RIT2: variants seen among roughly 807,000 people sequenced by gnomAD.
The protein encoded by RIT2 is Ras like without CAAX 2.
RIT2 carries 24 observed loss-of-function variants against 23.7 expected under a neutral mutation model. The observed-to-expected ratio is 1.01, with a 90% confidence interval of 0.73 to 1.43. The LOEUF is 1.43. Among genes scored for constraint, RIT2 ranks in the 40% most tolerant of loss-of-function variants. RIT2 has a pLI of 0.00. For synonymous variants in RIT2, 107 were observed against 91.1 expected (o/e 1.17, Z -0.99); for missense variants, 236 against 266.9 (o/e 0.88, Z 0.81).
chr18:42,903,321 A>G (rs1908526769), intron 4 of RIT2, among the ~76,000 whole-genome samples: 2 of 152,104 alleles, frequency 1.3e-5, no homozygotes, highest in South Asian at 2.1e-4. Flanking sequence ...CCCAAAATAT[A>G]GAAGATATTT....
chr18:42,752,094 T>C (rs1472831809), intron 4 of RIT2, among the ~76,000 whole-genome samples: 3 of 152,064 alleles, frequency 2.0e-5, no homozygotes, highest in Non-Finnish European at 4.4e-5. Context: ...TATTAATTTT[T>C]ATAGATTTCT....
At chr18:43,000,804 G>A (rs1408288239) in intron 2 of RIT2, among the ~76,000 whole-genome samples, 1 of 151,950 alleles carries the variant, frequency 6.6e-6, no homozygotes, top group Admixed American at 6.6e-5. Context: ...ATGTGGAACT[G>A]TGAGTCAATT....
At chr18:42,940,065 T>C (rs1248215239) in intron 3 of RIT2, among the ~76,000 whole-genome samples, 1 of 151,634 alleles carries the variant, frequency 6.6e-6, no homozygotes, top group East Asian at 2.0e-4. Flanking sequence ...CAAAGCCGAA[T>C]AACAATAGTC....
At chr18:42,887,647 A>G (rs1004224427) in intron 4 of RIT2, among the ~76,000 whole-genome samples, 55 of 152,286 alleles carry the variant, frequency 3.6e-4, no homozygotes, top group African/African-American at 1.3e-3. Flanking sequence ...CAACCCAGCA[A>G]TCAAGCTTGT....
Position 43,031,293 on chromosome 18 carries a change from C to A in RIT2, c.160+2518G>T, listed in dbSNP as rs1911848800. ...TTTTGGACTGAGCTCCTGCCCTGGG[C>A]CTAACAGATGAGACCAAACCAAAAT... On this transcript the variant is annotated intron_variant, in intron 2 of 4. Transcript: ENST00000326695. Among the ~76,000 whole-genome samples, 7 of 151,280 alleles carry A rather than the reference C, an allele frequency of 4.6e-5. 1 individual carries two copies. The Admixed American group carries it at 4.6e-4, about 10-fold the overall frequency.
chr18:43,002,978 T>C (rs62092660), intron 2 of RIT2, among the ~76,000 whole-genome samples: 12,388 of 151,770 alleles, frequency 0.082, 622 homozygotes, highest in East Asian at 0.18. Context: ...AAATATGCTG[T>C]GTTGTTGGCA....
At chr18:42,881,181 C>G (rs1355941752) in intron 4 of RIT2, among the ~76,000 whole-genome samples, 1 of 152,164 alleles carries the variant, frequency 6.6e-6, no homozygotes, top group Non-Finnish European at 1.5e-5. Flanking sequence ...AATGGTAACA[C>G]AACCTACCCA....
intron 4 of RIT2, among the ~76,000 whole-genome samples, chr18:42,749,695 T>C (rs1365826903): frequency 6.6e-6 from 1 of 151,732 alleles, no homozygotes; most frequent in Non-Finnish European, 1.5e-5. Context: ...TTTGTCCCAA[T>C]ATATCAGAAA....
intron 3 of RIT2, among the ~76,000 whole-genome samples, chr18:42,967,400 C>T (rs181075014): frequency 1.6e-4 from 24 of 152,084 alleles, no homozygotes; most frequent in East Asian, 9.7e-4. Context: ...GACAGAGTCT[C>T]GCTCTGTTGC....
At chr18:42,784,028 C>T (rs1913871213) in intron 4 of RIT2, among the ~76,000 whole-genome samples, 1 of 152,004 alleles carries the variant, frequency 6.6e-6, no homozygotes, top group South Asian at 2.1e-4. Flanking sequence ...AAAGAATTAA[C>T]AATGGCAAAA....
At chr18:42,828,412 T>G (rs1386141032) in intron 4 of RIT2, among the ~76,000 whole-genome samples, 1 of 152,250 alleles carries the variant, frequency 6.6e-6, no homozygotes, top group East Asian at 1.9e-4. Flanking sequence ...CTAAATTGTT[T>G]AAATTACCTG....
At chr18:42,990,955 A>T (rs1333631812) in intron 2 of RIT2, among the ~76,000 whole-genome samples, 1 of 148,244 alleles carries the variant, frequency 6.7e-6, no homozygotes, top group Non-Finnish European at 1.5e-5. Context: ...AGGAGTACAG[A>T]GATTTTCTTT....
chr18:42,958,261 C>G (rs1017323986), intron 3 of RIT2, among the ~76,000 whole-genome samples: 1 of 152,174 alleles, frequency 6.6e-6, no homozygotes, highest in Admixed American at 6.6e-5. Flanking sequence ...ATCCCAGCAA[C>G]TCTTATCTAT....
intron 4 of RIT2, among the ~76,000 whole-genome samples, chr18:42,749,399 T>C (rs1912993796): frequency 6.6e-6 from 1 of 151,594 alleles, no homozygotes; most frequent in Admixed American, 6.6e-5. Context: ...GATCAAAATA[T>C]TAACCACAAA....
chr18:42,994,065 A>T (rs1017496835), intron 2 of RIT2, among the ~76,000 whole-genome samples: 3 of 152,026 alleles, frequency 2.0e-5, no homozygotes, highest in Non-Finnish European at 4.4e-5. Context: ...GTGGTGCCAA[A>T]CCCATAAACT....
At position 43,027,170 on chromosome 18, in the gene RIT2, G is replaced by C. The variant is rs1911752663; in HGVS notation, c.160+6641C>G. ...ATCCCTAATAAAAGCAATTTCAGTA[G>C]AGTGATGAGATGAAAACATGGCTAG... is the stretch of plus-strand genomic sequence containing the variant. On this transcript the variant is annotated intron_variant, in intron 2 of 4. Transcript: ENST00000326695. 2.6e-5 allele frequency among the ~76,000 whole-genome samples: 4 copies of C among 152,106 alleles called. No homozygotes were observed. The South Asian group carries it at 8.3e-4, about 31-fold the overall frequency.
chr18:42,842,826 T>C (rs917477388), intron 4 of RIT2, among the ~76,000 whole-genome samples: 14 of 152,116 alleles, frequency 9.2e-5, no homozygotes, highest in African/African-American at 3.1e-4. Flanking sequence ...GTAAAGCAGG[T>C]CCTGATGACT....
chr18:43,115,042 T>C (rs1337028448), intron 1 of RIT2, among the ~76,000 whole-genome samples: 2 of 152,176 alleles, frequency 1.3e-5, no homozygotes, highest in African/African-American at 4.8e-5. Context: ...TAATTGAATA[T>C]TCATAGCACT....
chr18:43,069,272 A>G (rs112488362), intron 1 of RIT2, among the ~76,000 whole-genome samples: 9,357 of 152,072 alleles, frequency 0.062, 493 homozygotes, highest in East Asian at 0.25. Context: ...TCCTCTTACT[A>G]TTGGGAACGC....
Sources: allele counts gnomAD v4.1 joint callset (sites outside exome capture counted in the v4.1 genomes callset), GRCh38; gene constraint gnomAD v4.1.1; transcripts MANE v1.5; gene names NCBI Gene and HGNC (gene_info 2026-07-23, HGNC 2026-07-21).